The following ZNF600 variants were observed in gnomAD, a reference collection of about 807,000 sequenced individuals.
ZNF600 encodes the protein zinc finger protein 600, also known as zinc finger protein KR-ZNF1.
A neutral mutation model predicts 7.3 loss-of-function variants in ZNF600; 4 were observed. The ratio of observed to expected loss-of-function variants is 0.55; its 90% CI spans 0.27 to 1.25. ZNF600 has a LOEUF of 1.25. Among genes scored for constraint, ZNF600 ranks in the 50% most tolerant of loss-of-function variants. ZNF600 has a pLI of 0.12. For synonymous variants in ZNF600, 290 were observed against 308.9 expected (o/e 0.94, Z 0.64); for missense variants, 911 against 922.1 (o/e 0.99, Z 0.16).
chr19:52,802,458 T>C, the ZNF600 span, among the ~76,000 whole-genome samples: 2 of 152,046 alleles, frequency 1.3e-5, no homozygotes, highest in African/African-American at 4.8e-5. Flanking sequence ...GGCAGGCAGA[T>C]CACCTCACGT....
the ZNF600 span, among the ~76,000 whole-genome samples, chr19:52,823,583 A>G: frequency 1.9e-3 from 293 of 152,268 alleles, 2 homozygotes; most frequent in African/African-American, 5.7e-3. Context: ...TTCCTCTCAA[A>G]GCTCAGAATT....
intron 3 of ZNF600, among the ~76,000 whole-genome samples, chr19:52,769,447 G>A (rs552247114): frequency 2.0e-4 from 31 of 152,062 alleles, no homozygotes; most frequent in Non-Finnish European, 3.1e-4. Context: ...TCTCTGCCTC[G>A]GCTGCCAGGA....
At chr19:52,822,486 T>C in the ZNF600 span, among the ~76,000 whole-genome samples, 2 of 152,190 alleles carry the variant, frequency 1.3e-5, no homozygotes, top group South Asian at 4.1e-4. Flanking sequence ...AAATAAGAAC[T>C]ATTCTATTAA....
intron 1 of ZNF600, among the ~76,000 whole-genome samples, chr19:52,783,931 G>A (rs1160523992): frequency 6.6e-6 from 1 of 152,124 alleles, no homozygotes; most frequent in Non-Finnish European, 1.5e-5. Context: ...AAAATTAGCA[G>A]GGCGTGGTGG....
chr19:52,810,783 A>AC, the ZNF600 span: 3 of 495,114 alleles, frequency 6.1e-6, no homozygotes, highest in South Asian at 5.4e-5. Flanking sequence ...AAAAACCCAA[A>AC]AAAAACAGAA....
At chr19:52,832,956 G>C in the ZNF600 span, among the ~76,000 whole-genome samples, 1 of 151,960 alleles carries the variant, frequency 6.6e-6, no homozygotes, top group African/African-American at 2.4e-5. Context: ...ATTTTTATTA[G>C]AGATGAGGTT....
the ZNF600 span, chr19:52,800,371 C>T: frequency 2.5e-6 from 4 of 1,613,966 alleles, no homozygotes; most frequent in South Asian, 1.1e-5. Context: ...TATGGTTTCT[C>T]TCCAGTATGA....
the ZNF600 span, among the ~76,000 whole-genome samples, chr19:52,827,261 A>C: frequency 6.6e-6 from 1 of 151,802 alleles, no homozygotes; most frequent in East Asian, 1.9e-4. Context: ...AAAAAAAAAA[A>C]AGAAAAAAAG....
At chr19:52,826,781 C>T in the ZNF600 span, among the ~76,000 whole-genome samples, 1 of 151,914 alleles carries the variant, frequency 6.6e-6, no homozygotes, top group African/African-American at 2.4e-5. Context: ...GAGGCTGAGC[C>T]AGGAGAACTG....
intron 3 of ZNF600, among the ~76,000 whole-genome samples, chr19:52,771,910 G>A (rs2062633176): frequency 6.6e-6 from 1 of 152,092 alleles, no homozygotes; most frequent in Admixed American, 6.5e-5. Flanking sequence ...ACTGCGGCTG[G>A]CCAGTCTAAG....
chr19:52,827,416 C>T, the ZNF600 span, among the ~76,000 whole-genome samples: 16,919 of 151,938 alleles, frequency 0.11, 1,172 homozygotes, highest in African/African-American at 0.18. Flanking sequence ...AAGAGCTAAA[C>T]GTGCATCCAA....
At chr19:52,819,200 A>T in the ZNF600 span, among the ~76,000 whole-genome samples, 9 of 136,016 alleles carry the variant, frequency 6.6e-5, no homozygotes, top group South Asian at 1.7e-3. Flanking sequence ...ACTGGCAGGG[A>T]CCCTGAACAC....
chr19:52,790,641 C>T (rs2062788692), upstream of ZNF600, among the ~76,000 whole-genome samples: 1 of 149,816 alleles, frequency 6.7e-6, no homozygotes, highest in African/African-American at 2.5e-5. Flanking sequence ...CCTTTGTACT[C>T]TAAAACTAAG....
At chr19:52,787,587 G>A (rs1188665564), upstream of ZNF600, among the ~76,000 whole-genome samples, 2 of 150,926 alleles carry the variant, frequency 1.3e-5, no homozygotes, top group Non-Finnish European at 3.0e-5. Flanking sequence ...GACCGGGCGC[G>A]CTGGCTCACA....
chr19:52,818,006 G>A, the ZNF600 span: 60,076 of 1,608,652 alleles, frequency 0.037, 1,449 homozygotes, highest in African/African-American at 0.11. Context: ...TCTTCCTCAC[G>A]TACCAAGATT....
chr19:52,825,724 G>C, the ZNF600 span, among the ~76,000 whole-genome samples: 2 of 152,166 alleles, frequency 1.3e-5, no homozygotes, highest in African/African-American at 4.8e-5. Context: ...AGTGGCTCAT[G>C]CCTGTAATCC....
intron 3 of ZNF600, among the ~76,000 whole-genome samples, chr19:52,773,732 C>A (rs1213919381): frequency 6.6e-6 from 1 of 151,976 alleles, no homozygotes; most frequent in Non-Finnish European, 1.5e-5. Flanking sequence ...ATTAGCCCGG[C>A]ATGGTGGTGC....
At chr19:52,799,209 G>A in the ZNF600 span, 1 of 387,170 alleles carries the variant, frequency 2.6e-6, no homozygotes, top group Non-Finnish European at 5.0e-6. Context: ...AATACGAATT[G>A]CCTTTTGAAT....
chr19:52,801,558 C>T, the ZNF600 span: 10 of 1,614,138 alleles, frequency 6.2e-6, no homozygotes, highest in South Asian at 2.2e-5. Context: ...AAACTGGAAG[C>T]CATGAATGTC....
Sources: gnomAD v4.1 joint callset for allele counts (sites outside exome capture counted in the v4.1 genomes callset) on GRCh38, gnomAD v4.1.1 for gene constraint, MANE v1.5 for transcripts, NCBI Gene and HGNC (gene_info 2026-07-23, HGNC 2026-07-21) for gene names.